Variants in FGF13 observed in about 807,000 individuals in gnomAD.
FGF13 encodes the protein fibroblast growth factor homologous factor 2.
FGF13 carries 2 observed loss-of-function variants against 19.5 expected under a neutral mutation model. That is an observed-to-expected ratio of 0.10 (90% CI 0.04 to 0.32). The LOEUF (loss-of-function observed/expected upper bound fraction) is 0.32, where lower values mean the gene tolerates loss of function less well. Ranked by LOEUF, FGF13 falls within the 10% of genes least tolerant of loss-of-function variation. FGF13 has a pLI of 1.00. For missense variants in FGF13, 113 were observed against 192.7 expected (o/e 0.59, Z 2.45); for synonymous variants, 72 against 76.9 (o/e 0.94, Z 0.33).
At chrX:139,024,063 A>C (rs5976250) in intron 1 of FGF13, among the ~76,000 whole-genome samples, 2,752 of 111,058 alleles carry the variant, frequency 0.025, 84 homozygotes, top group African/African-American at 0.08. Context: ...TAGGTCCATT[A>C]AAACAATTTT....
At chrX:139,175,284 A>T (rs761664059) in intron 1 of FGF13, among the ~76,000 whole-genome samples, 2 of 112,260 alleles carry the variant, frequency 1.8e-5, no homozygotes, top group African/African-American at 6.5e-5. Flanking sequence ...TATCAGCTTA[A>T]GGAGATTTGG....
At chrX:138,962,860 G>A (rs143269529) in intron 1 of FGF13, among the ~76,000 whole-genome samples, 2,354 of 111,616 alleles carry the variant, frequency 0.021, 67 homozygotes, top group African/African-American at 0.072. Flanking sequence ...GTTGTGGGAC[G>A]GGGAGGGATA....
intron 4 of FGF13, among the ~76,000 whole-genome samples, chrX:138,634,579 T>C (rs2089161336): frequency 8.9e-6 from 1 of 112,840 alleles, no homozygotes; most frequent in African/African-American, 3.2e-5. Flanking sequence ...TAAATAAATG[T>C]CTTAATGTGG....
At chrX:139,169,217 C>T (rs1441019717) in intron 1 of FGF13, among the ~76,000 whole-genome samples, 2 of 112,112 alleles carry the variant, frequency 1.8e-5, no homozygotes, top group Non-Finnish European at 3.8e-5. Flanking sequence ...CCCAACTCCC[C>T]ATTTATCTCT....
At chrX:138,707,573 C>A (rs1313120528) in intron 2 of FGF13, among the ~76,000 whole-genome samples, 1 of 111,823 alleles carries the variant, frequency 8.9e-6, no homozygotes. Flanking sequence ...ACAGTAAAGC[C>A]CTCTAGTTAC....
At chrX:139,128,553 C>G (rs1053232051) in intron 1 of FGF13, among the ~76,000 whole-genome samples, 1 of 112,423 alleles carries the variant, frequency 8.9e-6, no homozygotes, top group African/African-American at 3.2e-5. Flanking sequence ...AAGGCTCTTT[C>G]TCCTATATAG....
chrX:138,891,980 GTC>G lies in FGF13; in HGVS notation c.-112-27332_-112-27331del, dbSNP rs1258540909. On this transcript the variant is annotated intron_variant, in intron 1 of 2. Coordinates refer to the FGF13 transcript ENST00000421460. ...AGTTAATACTTAAACTCCAATCTCT[GTC>G]TCTCTCTCTATATATACATATGTGT... is the stretch of plus-strand genomic sequence containing the variant. 6.2e-5 allele frequency among the ~76,000 whole-genome samples: 5 copies of G among 81,034 alleles called. No individual in the cohort carries two copies. The South Asian group carries it at 2.7e-3, about 43-fold the overall frequency. The allele number at this position is 81,034 out of a possible 115,157, so 70.4% of individuals were successfully genotyped here. A position where few individuals can be genotyped will look rare whatever the true frequency, so the allele number is the denominator to read the frequency against.
intron 3 of FGF13, among the ~76,000 whole-genome samples, chrX:138,637,244 AT>A (rs1266123338): frequency 8.9e-6 from 1 of 112,331 alleles, no homozygotes; most frequent in Non-Finnish European, 1.9e-5. Context: ...TCTTTGTAGG[AT>A]TTCTCAACAT....
intron 1 of FGF13, among the ~76,000 whole-genome samples, chrX:139,177,327 G>T (rs1368315153): frequency 1.0e-5 from 1 of 98,580 alleles, no homozygotes; most frequent in Non-Finnish European, 2.0e-5. Context: ...TTGCACATGA[G>T]ATGGGTCCCC....
chrX:138,761,899 G>A (rs2090470004), intron 3 of FGF13, among the ~76,000 whole-genome samples: 1 of 110,256 alleles, frequency 9.1e-6, no homozygotes, highest in Non-Finnish European at 1.9e-5. Context: ...TGCAGGTGGT[G>A]ACAGAGGTCT....
At chrX:138,884,498 C>A (rs766652036) in intron 1 of FGF13, among the ~76,000 whole-genome samples, 1 of 112,471 alleles carries the variant, frequency 8.9e-6, no homozygotes, top group Non-Finnish European at 1.9e-5. Context: ...TTTGCCCAAA[C>A]TAGTGAGAAG....
chrX:138,697,682 G>A (rs2089908949), intron 3 of FGF13, among the ~76,000 whole-genome samples: 1 of 111,141 alleles, frequency 9.0e-6, no homozygotes, highest in Non-Finnish European at 1.9e-5. Flanking sequence ...GGGTAGAACT[G>A]CTGCTAATGA....
rs991498096 is a variant in FGF13 at position 138,630,102 on chromosome X, G to C, written c.*2748C>G. On this transcript the variant is annotated 3_prime_UTR_variant, in exon 5 of 5. Coordinates refer to ENST00000315930, the MANE Select transcript of FGF13 (RefSeq NM_004114.5). Reference sequence around the variant, plus strand: ...TATCATCACTTGTAGGAAGGTTTGAGGACTATTTATTTACTTATTAATTTA... The same window carrying C: ...TATCATCACTTGTAGGAAGGTTTGACGACTATTTATTTACTTATTAATTTA... 2 of 110,398 alleles carry C rather than the reference G, an allele frequency of 1.8e-5. No individual in the cohort carries two copies. The highest frequency in any genetic ancestry group is 2.0e-4 in the Admixed American group (2 of 10,242). The allele number at this position is 110,398 out of a possible 1,213,427, so 9.1% of individuals were successfully genotyped here. A position where few individuals can be genotyped will look rare whatever the true frequency, so the allele number is the denominator to read the frequency against.
In FGF13 at chrX:138,858,391, G is replaced by A. The variant is rs761621089; in HGVS notation, c.-38-712C>T. ...ATTTTTCTTTCTAGGCTCTTTATAT[G>A]CTTCCTAAGTGTATCACTAGTGTTT... On this transcript the variant is annotated intron_variant, in intron 2 of 2. Coordinates refer to the FGF13 transcript ENST00000421460. Among the ~76,000 whole-genome samples, 3 of 111,811 alleles carry A rather than the reference G, an allele frequency of 2.7e-5. No homozygotes were observed. The South Asian group carries it at 1.1e-3, about 42-fold the overall frequency.
chrX:139,061,394 C>T (rs2092335513), intron 1 of FGF13, among the ~76,000 whole-genome samples: 1 of 111,174 alleles, frequency 9.0e-6, no homozygotes, highest in Non-Finnish European at 1.9e-5. Context: ...TGAGTGAGTT[C>T]TGACTCTTAT....
chrX:138,690,867 G>T (rs1302642067), intron 3 of FGF13, among the ~76,000 whole-genome samples: 1 of 111,410 alleles, frequency 9.0e-6, no homozygotes. Flanking sequence ...TCCTGTAGTA[G>T]ATCAACTATT....
chrX:138,995,942 T>C lies in FGF13; in HGVS notation c.-112-131292A>G, dbSNP rs182006295. On this transcript the variant is annotated intron_variant, in intron 1 of 2. Transcript: ENST00000421460. ...TTGGAGGGAGTATTTAAACCACCCC[T>C]AGTTAGAGGGGAATCGCCCATCCCA... Among the ~76,000 whole-genome samples the C allele has an allele frequency of 5.7e-3, 637 of 111,682 alleles. 5 individuals carry two copies. Among genetic ancestry groups the C allele is most frequent in the African/African-American group, 0.02 (604 of 30,732 alleles).
intron 1 of FGF13, among the ~76,000 whole-genome samples, chrX:139,126,949 C>G (rs1023977244): frequency 9.0e-6 from 1 of 111,696 alleles, no homozygotes; most frequent in African/African-American, 3.3e-5. Flanking sequence ...TGGCCAATCC[C>G]CAACTCGCGA....
chrX:138,659,199 G>A (rs12859582), intron 3 of FGF13, among the ~76,000 whole-genome samples: 23,278 of 111,284 alleles, frequency 0.21, 2,018 homozygotes, highest in East Asian at 0.49. Context: ...GCTAGGTGCA[G>A]TGGTGCATGC....
Sources: gnomAD v4.1 joint callset for allele counts (sites outside exome capture counted in the v4.1 genomes callset) on GRCh38, gnomAD v4.1.1 for gene constraint, MANE v1.5 for transcripts, NCBI Gene and HGNC (gene_info 2026-07-23, HGNC 2026-07-21) for gene names.